DEPDC1B: variants seen among roughly 807,000 people sequenced by gnomAD.
DEPDC1B encodes DEP domain-containing protein 1B.
In DEPDC1B, 51 loss-of-function variants were observed where a neutral mutation model predicts 66.5. The ratio of observed to expected loss-of-function variants is 0.77; its 90% confidence interval spans 0.61 to 0.97. DEPDC1B has a LOEUF of 0.97. Among genes scored for constraint, DEPDC1B ranks in the 50% least tolerant of loss-of-function variants. The probability of loss-of-function intolerance (pLI) is 0.00; values close to 1 mark genes in which losing one functional copy is unlikely to be tolerated. For missense variants in DEPDC1B, 552 were observed against 637.1 expected (o/e 0.87, Z 1.44); for synonymous variants, 226 against 223.6 (o/e 1.01, Z -0.10).
intron 2 of DEPDC1B, among the ~76,000 whole-genome samples, chr5:60,663,199 G>A (rs1753760670): frequency 2.6e-5 from 4 of 152,120 alleles, no homozygotes; most frequent in Admixed American, 2.6e-4. Flanking sequence ...ATATGGATGA[G>A]CAAACAATGC....
Position 60,647,508 on chromosome 5 carries a change from G to T in DEPDC1B, c.340C>A (p.Pro114Thr). The T allele has an allele frequency of 6.2e-7, 1 of 1,612,118 alleles. No homozygotes were observed. Among genetic ancestry groups the T allele is most frequent in the South Asian group, 1.1e-5 (1 of 90,686 alleles). ...YRFPPSSPLK[P>T]YPKKPPNQKD... ...TGGTTTGGGGGCTTCTTTGGATATG[G>T]TTTCAGGGGTGAAGAAGGAGGAAAT... Residue 114 changes from proline (P) to threonine (T), a missense_variant, in exon 3 of 11, where the codon CCA becomes ACA. Pro to Thr is a conservative substitution (Grantham distance 38). Transcript: ENST00000265036.
At chr5:60,603,627 A>G in intron 8 of DEPDC1B, 60 bp from the exon 9 acceptor site, 3 of 1,491,004 alleles carry the variant, frequency 2.0e-6, no homozygotes, top group Non-Finnish European at 1.8e-6. Context: ...ACTGAGTGCA[A>G]TCTAATTTGC....
At position 60,618,249 on chromosome 5, in the gene DEPDC1B, C is replaced by A. The variant is rs576182679; in HGVS notation, c.899-12393G>T. The stretch of plus-strand genomic sequence containing the variant: ...AGAACTAGAGAAGCAAGAGCAAACA[C>A]ATTCAAAAGCCAACAGAAGGCAAGA... On this transcript the variant is annotated intron_variant, in intron 7 of 10. Coordinates refer to ENST00000265036, the MANE Select transcript of DEPDC1B (RefSeq NM_018369.3). 4.2e-3 allele frequency among the ~76,000 whole-genome samples: 634 copies of A among 152,204 alleles called. 6 individuals carry two copies. The highest frequency in any genetic ancestry group is 0.022 in the South Asian group (108 of 4,822).
At chr5:60,609,952 C>G (rs1011500777) in intron 7 of DEPDC1B, among the ~76,000 whole-genome samples, 2 of 152,178 alleles carry the variant, frequency 1.3e-5, no homozygotes, top group Non-Finnish European at 2.9e-5. Context: ...ATTACTACCA[C>G]TTAATATACT....
At position 60,645,038 on chromosome 5, in the gene DEPDC1B, G is replaced by A. The variant is rs1341752260; in HGVS notation, c.579-163C>T. On this transcript the variant is annotated intron_variant, in intron 4 of 10. Coordinates refer to ENST00000265036, the MANE Select transcript of DEPDC1B (RefSeq NM_018369.3). Reference sequence around the variant, plus strand: ...AGAAATGGAGTACAATAAAACAAATGTAAAAGATATCCTTTTGCTATTAAC... The same window carrying A: ...AGAAATGGAGTACAATAAAACAAATATAAAAGATATCCTTTTGCTATTAAC... Among the ~76,000 whole-genome samples, 4 of 152,274 alleles carry A rather than the reference G, an allele frequency of 2.6e-5. No homozygotes were observed. In the East Asian group the frequency reaches 7.7e-4, roughly 29 times the overall value.
At chr5:60,617,856 C>A (rs1369654570) in intron 7 of DEPDC1B, among the ~76,000 whole-genome samples, 3 of 152,238 alleles carry the variant, frequency 2.0e-5, no homozygotes, top group African/African-American at 7.2e-5. Flanking sequence ...CACCACACCA[C>A]TCCTATTCCA....
At chr5:60,694,288 C>T (rs150018558) in intron 1 of DEPDC1B, among the ~76,000 whole-genome samples, 8 of 152,234 alleles carry the variant, frequency 5.3e-5, no homozygotes, top group African/African-American at 9.6e-5. Context: ...TACCTCCCTG[C>T]GTCATACCTG....
chr5:60,665,231 T>C (rs1305337401), intron 2 of DEPDC1B, among the ~76,000 whole-genome samples: 3 of 152,030 alleles, frequency 2.0e-5, no homozygotes, highest in African/African-American at 7.2e-5. Flanking sequence ...AGCTAACCAA[T>C]GAAAATTACT....
chr5:60,670,115 T>C, intron 2 of DEPDC1B, among the ~76,000 whole-genome samples: 1 of 152,194 alleles, frequency 6.6e-6, no homozygotes, highest in East Asian at 1.9e-4. Flanking sequence ...CAGGGCGCAG[T>C]GGCTCACGCC....
chr5:60,601,030 T>C (rs1752190278), intron 9 of DEPDC1B, among the ~76,000 whole-genome samples: 1 of 152,134 alleles, frequency 6.6e-6, no homozygotes, highest in African/African-American at 2.4e-5. Flanking sequence ...TTTTCTCCCT[T>C]TTGCTCGGTG....
chr5:60,624,150 A>AG (rs1298948940), intron 7 of DEPDC1B, among the ~76,000 whole-genome samples: 2 of 152,168 alleles, frequency 1.3e-5, no homozygotes, highest in Admixed American at 6.5e-5. Flanking sequence ...ACCCTTGATA[A>AG]GGCTGAGGAA....
chr5:60,629,855 G>A (rs781375733), intron 7 of DEPDC1B, among the ~76,000 whole-genome samples: 8 of 152,044 alleles, frequency 5.3e-5, no homozygotes, highest in African/African-American at 1.2e-4. Context: ...TCTTTCCTAT[G>A]CAGAAGCTCA....
chr5:60,675,317 A>G (rs1754129927), intron 2 of DEPDC1B, among the ~76,000 whole-genome samples: 1 of 152,152 alleles, frequency 6.6e-6, no homozygotes, highest in Admixed American at 6.5e-5. Context: ...TATTTTCATC[A>G]TTATCCCACA....
chr5:60,603,814 A>G (rs1369621574), intron 8 of DEPDC1B, among the ~76,000 whole-genome samples: 2 of 122,464 alleles, frequency 1.6e-5, no homozygotes, highest in Non-Finnish European at 3.3e-5. Context: ...CTTTTACACG[A>G]TTTTAAATAT....
Position 60,651,561 on chromosome 5 carries a change from T to TA in DEPDC1B, c.315-4029dup, listed in dbSNP as rs762820812. ...AAAACAAAAAAAACAAAAAAAAAAC[T>TA]AAAAAAAACTACAATGGTTATTTTA... On this transcript the variant is annotated intron_variant, in intron 2 of 10. Transcript: ENST00000265036. Among the ~76,000 whole-genome samples the TA allele has an allele frequency of 7.4e-5, 11 of 149,622 alleles. No individual in the cohort carries two copies. In the East Asian group the frequency reaches 1.8e-3, roughly 24 times the overall value.
chr5:60,697,140 T>A (rs1269252670), intron 1 of DEPDC1B, among the ~76,000 whole-genome samples: 3 of 152,226 alleles, frequency 2.0e-5, no homozygotes, highest in African/African-American at 7.2e-5. Context: ...TTTACAAAGA[T>A]GAAAGTTATT....
chr5:60,692,614 C>T (rs191678772), intron 1 of DEPDC1B, among the ~76,000 whole-genome samples: 62 of 152,192 alleles, frequency 4.1e-4, no homozygotes, highest in African/African-American at 1.4e-3. Context: ...AACAGATTGG[C>T]AATATCTACA....
At chr5:60,616,340 C>T (rs567805634) in intron 7 of DEPDC1B, among the ~76,000 whole-genome samples, 4 of 152,184 alleles carry the variant, frequency 2.6e-5, no homozygotes, top group East Asian at 3.9e-4. Context: ...GATCAAACTA[C>T]TCTGAGGTAA....
intron 2 of DEPDC1B, among the ~76,000 whole-genome samples, chr5:60,674,703 G>T (rs1190085951): frequency 6.6e-6 from 1 of 152,162 alleles, no homozygotes; most frequent in East Asian, 1.9e-4. Context: ...CCCCAGTCTT[G>T]CTCACTCTAC....
Sources: gnomAD v4.1 joint callset for allele counts (sites outside exome capture counted in the v4.1 genomes callset) on GRCh38, gnomAD v4.1.1 for gene constraint, MANE v1.5 for transcripts, NCBI Gene and HGNC (gene_info 2026-07-23, HGNC 2026-07-21) for gene names.